Variants in SELP observed in about 807,000 individuals in gnomAD.
SELP encodes selectin P.
SELP carries 92 observed loss-of-function variants against 104.1 expected under a neutral mutation model. The ratio of observed to expected loss-of-function variants is 0.88; its 90% CI spans 0.75 to 1.05. The LOEUF (loss-of-function observed/expected upper bound fraction) is 1.05. Among genes scored for constraint, SELP ranks in the 50% least tolerant of loss-of-function variants. SELP has a pLI of 0.00. For synonymous variants in SELP, 397 were observed against 364.5 expected (o/e 1.09, Z -1.01); for missense variants, 1,022 against 1,017.3 (o/e 1.00, Z -0.06).
rs201464784 is a variant in SELP at position 169,607,102 on chromosome 1, C to A, written c.1366G>T (p.Glu456Ter). 5.6e-6 allele frequency: 9 copies of A among 1,605,722 alleles called. No individual in the cohort carries two copies. In the Admixed American group the frequency reaches 1.3e-4, roughly 24 times the overall value. ...GGGTGGGAGCAGTTCACCCGGGCCT[C>A]ATTTGGAACTGGGAGATCCTGGCAC... ...LQCQDLPVPN[E>*]ARVNCSHPFG... The change falls in exon 9 of 17, where the codon GAG becomes TAG. Residue 456 changes from glutamate to a stop codon, truncating the protein, a stop_gained. Coordinates refer to ENST00000263686, the MANE Select transcript of SELP (RefSeq NM_003005.4). LOFTEE classifies it high-confidence loss of function.
chr1:169,627,692 G>T (rs1663439667), intron 1 of SELP, among the ~76,000 whole-genome samples: 1 of 152,124 alleles, frequency 6.6e-6, no homozygotes, highest in East Asian at 1.9e-4. Context: ...GATTTTTGAG[G>T]ATTTGATCAA....
At chr1:169,600,716 G>A (rs1282694560) in intron 10 of SELP, among the ~76,000 whole-genome samples, 1 of 152,160 alleles carries the variant, frequency 6.6e-6, no homozygotes, top group African/African-American at 2.4e-5. Flanking sequence ...TGGGGTTCTA[G>A]GGGGCAGTGC....
At position 169,607,035 on chromosome 1, in the gene SELP, C is replaced by A; in HGVS notation, c.1433G>T (p.Cys478Phe). Residue 478 changes from cysteine (C) to phenylalanine (F), a missense_variant, in exon 9 of 17, where the codon TGC (cysteine) becomes TTC (phenylalanine). Cys to Phe is a radical substitution (Grantham distance 205). Coordinates refer to ENST00000263686, the MANE Select transcript of SELP (RefSeq NM_003005.4). ...FRYQSVCSFT[C>F]NEGLLLVGAS... Reference sequence around the variant, plus strand: ...TCCCACCAGGAGCAAGCCTTCATTGCAGGTGAAGCTGCAGACTGACTGGTA... The same window carrying A: ...TCCCACCAGGAGCAAGCCTTCATTGAAGGTGAAGCTGCAGACTGACTGGTA... The A allele has an allele frequency of 6.2e-7, 1 of 1,613,754 alleles. No individual in the cohort carries two copies. Among genetic ancestry groups the A allele is most frequent in the Non-Finnish European group, 8.5e-7 (1 of 1,179,738 alleles).
At chr1:169,618,847 T>C (rs1662950948) in intron 2 of SELP, among the ~76,000 whole-genome samples, 1 of 152,232 alleles carries the variant, frequency 6.6e-6, no homozygotes, top group Non-Finnish European at 1.5e-5. Flanking sequence ...AGAAAATAAT[T>C]ATAAAAGAAA....
intron 13 of SELP, 79 bp downstream of exon 13, chr1:169,594,613 G>A: frequency 1.4e-6 from 2 of 1,416,668 alleles, no homozygotes; most frequent in Non-Finnish European, 2.0e-6. Flanking sequence ...AGACCACTAT[G>A]AGAAAGACAC....
At chr1:169,625,330 T>A (rs1663323812) in intron 1 of SELP, among the ~76,000 whole-genome samples, 1 of 152,204 alleles carries the variant, frequency 6.6e-6, no homozygotes, top group Non-Finnish European at 1.5e-5. Context: ...TCTACCTCAA[T>A]CCTCTGCCTT....
At chr1:169,590,775 G>T (rs1661319699) in intron 15 of SELP, among the ~76,000 whole-genome samples, 2 of 152,110 alleles carry the variant, frequency 1.3e-5, no homozygotes, top group African/African-American at 4.8e-5. Flanking sequence ...TACCCTTGGG[G>T]GCATACTGTC....
Position 169,619,233 on chromosome 1 carries a change from A to T in SELP, c.4-14T>A. On this transcript the variant is annotated splice_polypyrimidine_tract_variant and intron_variant, in intron 1 of 16. Transcript: ENST00000263686. ...TTGGCAGTTGGCCTGAAACAAGAAG[A>T]GAAAACTTTCTTTTAGTATCCATAC... 1 of 1,607,028 alleles carries T rather than the reference A, an allele frequency of 6.2e-7. No individual in the cohort carries two copies. Among genetic ancestry groups the T allele is most frequent in the East Asian group, 2.2e-5 (1 of 44,820 alleles).
intron 10 of SELP, among the ~76,000 whole-genome samples, chr1:169,599,358 C>CA (rs3035293): frequency 0.48 from 68,189 of 143,192 alleles, 16,646 homozygotes; most frequent in East Asian, 0.94. Flanking sequence ...AAAACTTTGG[C>CA]AAAAAAAAAA....
intron 9 of SELP, among the ~76,000 whole-genome samples, chr1:169,605,940 C>T (rs536177858): frequency 2.0e-5 from 3 of 152,278 alleles, no homozygotes; most frequent in African/African-American, 7.2e-5. Context: ...GTCTATCCTT[C>T]AATTCACAAA....
Position 169,617,071 on chromosome 1 carries a change from AT to A in SELP, c.437del (p.Asn146MetfsTer6). On this transcript the variant is annotated frameshift_variant, in exon 3 of 17. Coordinates refer to ENST00000263686, the MANE Select transcript of SELP (RefSeq NM_003005.4). LOFTEE classifies it high-confidence loss of function. Reference protein sequence around the residue: ...IKSPSAPGKWNDEHCLKKKHA... With the variant: ...IKSPSAPGKWXDEHCLKKKHA... ...GCTTTTTCTTCAAGCAGTGCTCATC[AT>A]TCCACTTGCCAGGGGCTGACGGACT... The A allele has an allele frequency of 6.2e-7, 1 of 1,613,638 alleles. No homozygotes were observed. Among genetic ancestry groups the A allele is most frequent in the South Asian group, 1.1e-5 (1 of 91,054 alleles).
chr1:169,617,495 T>G, intron 2 of SELP, 81 bp from the exon 3 acceptor site: 33 of 1,408,176 alleles, frequency 2.3e-5, no homozygotes, highest in Non-Finnish European at 2.9e-6. Flanking sequence ...TTCTGCATAC[T>G]CAGATGAATT....
At chr1:169,604,168 T>C (rs1662063458) in intron 9 of SELP, among the ~76,000 whole-genome samples, 2 of 151,978 alleles carry the variant, frequency 1.3e-5, no homozygotes, top group Non-Finnish European at 2.9e-5. Flanking sequence ...TGGTATCTCA[T>C]TGTGGTTTTG....
chr1:169,624,138 ATGT>A (rs1271986118), intron 1 of SELP, among the ~76,000 whole-genome samples: 2 of 152,196 alleles, frequency 1.3e-5, no homozygotes, highest in Non-Finnish European at 2.9e-5. Context: ...AGAATGGATG[ATGT>A]TTAAAAATCT....
rs1484274963 is a variant in SELP, at chr1:169,603,305, C to CTGTGTGTGTGTGTGTG, written c.1520-95_1520-94insCACACACACACACACA. 882 of 647,314 alleles carry CTGTGTGTGTGTGTGTG rather than the reference C, an allele frequency of 1.4e-3. 1 individual carries two copies. Among genetic ancestry groups the CTGTGTGTGTGTGTGTG allele is most frequent in the Non-Finnish European group, 1.7e-3 (697 of 419,800 alleles). 40.1% of individuals were successfully genotyped at this position (647,314 alleles called of 1,614,324 possible). ...TCTCTCTCTCTTTCTCCCTCTCTCT[C>CTGTGTGTGTGTGTGTG]TCTGTGTGTGTGTGTGTGTGTGTGT... On this transcript the variant is annotated intron_variant, in intron 9 of 16. Transcript: ENST00000263686.
chr1:169,598,976 G>T (rs1661763826), intron 10 of SELP, among the ~76,000 whole-genome samples: 1 of 152,162 alleles, frequency 6.6e-6, no homozygotes, highest in Non-Finnish European at 1.5e-5. Flanking sequence ...TCATTTGGGG[G>T]ATAGTGCTTT....
At chr1:169,611,191 TC>T (rs1662513688) in intron 7 of SELP, among the ~76,000 whole-genome samples, 1 of 152,066 alleles carries the variant, frequency 6.6e-6, no homozygotes, top group Non-Finnish European at 1.5e-5. Flanking sequence ...TGCTCCCAAC[TC>T]CCTCTCAAGT....
At chr1:169,598,433 T>C (rs1027853197) in intron 10 of SELP, among the ~76,000 whole-genome samples, 2 of 152,216 alleles carry the variant, frequency 1.3e-5, no homozygotes, top group Non-Finnish European at 2.9e-5. Context: ...TACTGGCCCA[T>C]GTATTTTTCA....
chr1:169,627,856 T>C (rs1050801725), intron 1 of SELP, among the ~76,000 whole-genome samples: 2 of 152,222 alleles, frequency 1.3e-5, no homozygotes, highest in Admixed American at 1.3e-4. Context: ...AAGGTATAAA[T>C]GGACGAAAAT....
Sources: allele counts gnomAD v4.1 joint callset (sites outside exome capture counted in the v4.1 genomes callset), GRCh38; gene constraint gnomAD v4.1.1; transcripts MANE v1.5; gene names NCBI Gene and HGNC (gene_info 2026-07-23, HGNC 2026-07-21).